The following ERBB4 variants were observed in gnomAD, a reference collection of about 807,000 sequenced individuals.
ERBB4 encodes the protein receptor tyrosine-protein kinase erbB-4.
ERBB4 carries 42 observed loss-of-function variants against 158.0 expected under a neutral mutation model. The observed-to-expected ratio is 0.27, with a 90% CI of 0.21 to 0.34. ERBB4 has a LOEUF of 0.34. ERBB4 is among the 10% of genes least tolerant of loss of function. The pLI, the probability that ERBB4 is intolerant of heterozygous loss-of-function variation, is 1.00. For synonymous variants in ERBB4, 583 were observed against 558.7 expected (o/e 1.04, Z -0.61); for missense variants, 1,333 against 1,624.1 (o/e 0.82, Z 3.08).
At chr2:211,994,108 A>G (rs546601333) in intron 2 of ERBB4, among the ~76,000 whole-genome samples, 1 of 152,084 alleles carries the variant, frequency 6.6e-6, no homozygotes, top group South Asian at 2.1e-4. Context: ...CTATATCTAT[A>G]TGTCTATCTA....
intron 1 of ERBB4, among the ~76,000 whole-genome samples, chr2:212,157,365 T>C (rs1448802210): frequency 1.3e-5 from 2 of 152,104 alleles, no homozygotes; most frequent in South Asian, 4.1e-4. Context: ...TTTTATTGTA[T>C]TTATTAGATC....
At chr2:211,421,552 AAAC>A (rs2063515155) in intron 24 of ERBB4, among the ~76,000 whole-genome samples, 1 of 151,932 alleles carries the variant, frequency 6.6e-6, no homozygotes, top group Non-Finnish European at 1.5e-5. Context: ...TCTCCAAATA[AAAC>A]AAAACATATT....
intron 3 of ERBB4, among the ~76,000 whole-genome samples, chr2:211,803,059 G>C (rs2076536105): frequency 6.6e-6 from 1 of 152,198 alleles, no homozygotes; most frequent in Admixed American, 6.5e-5. Context: ...CTAAAGTGTA[G>C]AAGTTCATTT....
chr2:212,286,871 A>G (rs1289136185), intron 1 of ERBB4, among the ~76,000 whole-genome samples: 1 of 144,020 alleles, frequency 6.9e-6, no homozygotes, highest in Non-Finnish European at 1.5e-5. Flanking sequence ...TCTGCCTCCC[A>G]AAGTACTGGG....
At chr2:212,012,564 G>T (rs1363521345) in intron 2 of ERBB4, among the ~76,000 whole-genome samples, 1 of 151,928 alleles carries the variant, frequency 6.6e-6, no homozygotes, top group Non-Finnish European at 1.5e-5. Context: ...ACAGGCGCTT[G>T]CCGCCATGTC....
intron 20 of ERBB4, among the ~76,000 whole-genome samples, chr2:211,523,513 G>A (rs977760899): frequency 4.6e-5 from 7 of 151,566 alleles, no homozygotes; most frequent in African/African-American, 1.5e-4. Context: ...TCTGATGTTC[G>A]GATGTGTTCG....
At chr2:212,064,738 A>G (rs895787760) in intron 2 of ERBB4, among the ~76,000 whole-genome samples, 1 of 152,118 alleles carries the variant, frequency 6.6e-6, no homozygotes, top group African/African-American at 2.4e-5. Context: ...GCATTGACAC[A>G]TAGGAAGGAT....
At chr2:212,059,720 G>A (rs1378817179) in intron 2 of ERBB4, among the ~76,000 whole-genome samples, 1 of 152,166 alleles carries the variant, frequency 6.6e-6, no homozygotes, top group African/African-American at 2.4e-5. Context: ...AAATGGTCCT[G>A]GGAAAACTGG....
chr2:212,019,587 AC>A (rs1230224271), intron 2 of ERBB4, among the ~76,000 whole-genome samples: 2 of 151,868 alleles, frequency 1.3e-5, no homozygotes, highest in African/African-American at 4.8e-5. Context: ...ACATGGTGAA[AC>A]CCCATCTCTA....
At chr2:212,466,800 T>G (rs1351087359) in intron 1 of ERBB4, among the ~76,000 whole-genome samples, 2 of 152,166 alleles carry the variant, frequency 1.3e-5, no homozygotes, top group Non-Finnish European at 2.9e-5. Context: ...AGGCAGAGGT[T>G]TGAACAGGTT....
At chr2:212,366,561 T>A (rs2089897965) in intron 1 of ERBB4, among the ~76,000 whole-genome samples, 1 of 151,982 alleles carries the variant, frequency 6.6e-6, no homozygotes, top group Admixed American at 6.6e-5. Flanking sequence ...GAAAGTATTG[T>A]CATAAAAAAG....
chr2:212,380,426 T>A (rs2106409747), intron 1 of ERBB4, among the ~76,000 whole-genome samples: 1 of 150,336 alleles, frequency 6.7e-6, no homozygotes, highest in South Asian at 2.1e-4. Context: ...TCCATGGATT[T>A]ACCAATACCT....
intron 3 of ERBB4, among the ~76,000 whole-genome samples, chr2:211,894,178 T>C (rs2079042386): frequency 9.1e-6 from 1 of 109,414 alleles, no homozygotes; most frequent in Non-Finnish European, 1.8e-5. Context: ...CCAACAATGA[T>C]AGACTGGATT....
intron 1 of ERBB4, among the ~76,000 whole-genome samples, chr2:212,299,422 A>G (rs1559959330): frequency 6.6e-6 from 1 of 151,660 alleles, no homozygotes; most frequent in African/African-American, 2.4e-5. Flanking sequence ...GTAATACGAA[A>G]AAGTATGTAA....
chr2:212,033,098 C>T (rs1255740241), intron 2 of ERBB4, among the ~76,000 whole-genome samples: 9 of 151,942 alleles, frequency 5.9e-5, no homozygotes, highest in Middle Eastern at 3.4e-3. Flanking sequence ...ACTAGATACA[C>T]GGCAGGGAGA....
At chr2:212,362,604 G>C (rs1245185267) in intron 1 of ERBB4, among the ~76,000 whole-genome samples, 2 of 150,672 alleles carry the variant, frequency 1.3e-5, no homozygotes, top group Middle Eastern at 3.4e-3. Context: ...CTATTTCTCA[G>C]TTCTTCAATT....
chr2:212,072,558 C>T (rs1424995982), intron 2 of ERBB4, among the ~76,000 whole-genome samples: 1 of 151,892 alleles, frequency 6.6e-6, no homozygotes, highest in Non-Finnish European at 1.5e-5. Context: ...TGTATACTTG[C>T]CAAAGCAAGA....
At chr2:211,812,897 GA>G (rs1364510824) in intron 3 of ERBB4, among the ~76,000 whole-genome samples, 1 of 152,178 alleles carries the variant, frequency 6.6e-6, no homozygotes, top group East Asian at 1.9e-4. Flanking sequence ...AAGACCTTTG[GA>G]AAAATGCAGT....
Position 211,384,005 on chromosome 2 carries a change from G to A in ERBB4, c.3537C>T (p.Asp1179=), listed in dbSNP as rs2125312043. 1.2e-6 allele frequency: 2 copies of A among 1,613,952 alleles called. No homozygotes were observed. Among genetic ancestry groups the A allele is most frequent in the South Asian group, 1.1e-5 (1 of 91,066 alleles). The part of the protein sequence containing the change: ...NPFVSRRKNG[D]LQALDNPEYH... ...ATTCGGGATTATCCAATGCTTGAAG[G>A]TCTCCATTTTTTCTCCGAGAAACAA... The change falls in exon 28 of 28, where the codon GAC becomes GAT. Residue 1179 remains aspartate (D), a synonymous_variant. Transcript: ENST00000342788.
Sources: allele counts gnomAD v4.1 joint callset (sites outside exome capture counted in the v4.1 genomes callset), GRCh38; gene constraint gnomAD v4.1.1; transcripts MANE v1.5; gene names NCBI Gene and HGNC (gene_info 2026-07-23, HGNC 2026-07-21).